Variants in PLXDC2 observed in about 807,000 individuals in gnomAD.
PLXDC2 encodes plexin domain-containing protein 2.
In PLXDC2, 40 loss-of-function variants were observed where a neutral mutation model predicts 68.9. The observed-to-expected ratio is 0.58, with a 90% CI of 0.45 to 0.76. The LOEUF is 0.76. Ranked by LOEUF, PLXDC2 falls within the 30% of genes least tolerant of loss-of-function variation. PLXDC2 has a pLI of 0.00. For missense variants in PLXDC2, 644 were observed against 661.9 expected (o/e 0.97, Z 0.30); for synonymous variants, 243 against 234.2 (o/e 1.04, Z -0.34).
At chr10:20,057,072 T>A in intron 3 of PLXDC2, among the ~76,000 whole-genome samples, 1 of 152,180 alleles carries the variant, frequency 6.6e-6, no homozygotes, top group East Asian at 1.9e-4. Flanking sequence ...ATTCTTATCA[T>A]CTTTTCTGCC....
chr10:20,156,401 A>G (rs1220922320), intron 6 of PLXDC2, among the ~76,000 whole-genome samples: 3 of 152,176 alleles, frequency 2.0e-5, no homozygotes, highest in African/African-American at 4.8e-5. Context: ...TATTTCAAGT[A>G]AAAATATAGA....
intron 1 of PLXDC2, among the ~76,000 whole-genome samples, chr10:19,974,766 T>A (rs1198591980): frequency 3.3e-5 from 5 of 152,176 alleles, no homozygotes; most frequent in African/African-American, 1.2e-4. Flanking sequence ...TCAATAGATT[T>A]CAGTTAAATA....
Position 20,046,865 on chromosome 10 carries a change from G to A in PLXDC2, c.325-4G>A, listed in dbSNP as rs1324530649. The A allele has an allele frequency of 6.3e-7, 1 of 1,595,428 alleles. No homozygotes were observed. On this transcript the variant is annotated splice_region_variant and splice_polypyrimidine_tract_variant and intron_variant, in intron 2 of 13. Coordinates refer to ENST00000377252, the MANE Select transcript of PLXDC2 (RefSeq NM_032812.9). ...TTGATATACATTATTATCTATTATT[G>A]CAGGAGGATACAGACCACAATTACT...
chr10:19,893,747 A>T (rs1268145499), intron 1 of PLXDC2, among the ~76,000 whole-genome samples: 1 of 152,228 alleles, frequency 6.6e-6, no homozygotes, highest in African/African-American at 2.4e-5. Context: ...TAAGTGAAAC[A>T]ATCCTTTACA....
chr10:20,207,865 T>TGC (rs1835013643), intron 9 of PLXDC2, among the ~76,000 whole-genome samples: 1 of 151,544 alleles, frequency 6.6e-6, no homozygotes, highest in Admixed American at 6.6e-5. Flanking sequence ...CCTGAGAGAA[T>TGC]GAGAGATTGT....
At chr10:20,143,597 C>T (rs1281445169) in intron 5 of PLXDC2, among the ~76,000 whole-genome samples, 180 bp downstream of exon 5, 1 of 152,080 alleles carries the variant, frequency 6.6e-6, no homozygotes, top group Non-Finnish European at 1.5e-5. Context: ...GGCATTCATT[C>T]ATTCAACACA....
At chr10:19,892,923 T>C (rs74960726) in intron 1 of PLXDC2, among the ~76,000 whole-genome samples, 2 of 125,170 alleles carry the variant, frequency 1.6e-5, no homozygotes, top group African/African-American at 4.1e-5. Flanking sequence ...GAAATGGTCT[T>C]TTTTTTTTTT....
intron 1 of PLXDC2, among the ~76,000 whole-genome samples, chr10:19,879,536 C>T (rs1265033218): frequency 6.6e-6 from 1 of 152,062 alleles, no homozygotes; most frequent in Non-Finnish European, 1.5e-5. Flanking sequence ...TCGACAAATA[C>T]CCTTGTTTAG....
chr10:19,952,124 A>T (rs1319881970), intron 1 of PLXDC2, among the ~76,000 whole-genome samples: 1 of 152,160 alleles, frequency 6.6e-6, no homozygotes, highest in Non-Finnish European at 1.5e-5. Context: ...AATCCTGCAC[A>T]TGTACTCCCT....
intron 4 of PLXDC2, among the ~76,000 whole-genome samples, chr10:20,074,544 A>AT (rs1836402173): frequency 6.6e-6 from 1 of 152,068 alleles, no homozygotes; most frequent in South Asian, 2.1e-4. Flanking sequence ...ACTAAGAGAG[A>AT]TTTTTTAAAA....
intron 2 of PLXDC2, among the ~76,000 whole-genome samples, chr10:20,034,936 T>G (rs911456974): frequency 7.2e-5 from 11 of 152,298 alleles, no homozygotes; most frequent in Non-Finnish European, 1.5e-4. Context: ...CTCCATAATG[T>G]TTGTACAATG....
In PLXDC2 at chr10:20,247,797, A is replaced by G. The variant is rs562920425; in HGVS notation, c.1473+2292A>G. ...GATTCTGCCAATATTTCCTGGAAAA[A>G]CGTTCATAATAAATATCCTAGGACA... On this transcript the variant is annotated intron_variant, in intron 13 of 13. Coordinates refer to ENST00000377252, the MANE Select transcript of PLXDC2 (RefSeq NM_032812.9). Among the ~76,000 whole-genome samples, 7 of 152,332 alleles carry G rather than the reference A, an allele frequency of 4.6e-5. No individual in the cohort carries two copies. The South Asian group carries it at 1.0e-3, about 23-fold the overall frequency.
chr10:19,828,550 T>C (rs957773143), intron 1 of PLXDC2, among the ~76,000 whole-genome samples: 1 of 152,210 alleles, frequency 6.6e-6, no homozygotes, highest in Non-Finnish European at 1.5e-5. Flanking sequence ...GTTTTATTTC[T>C]TGGTTGTTTA....
At chr10:20,031,610 T>C (rs986044265) in intron 2 of PLXDC2, among the ~76,000 whole-genome samples, 3 of 152,124 alleles carry the variant, frequency 2.0e-5, no homozygotes, top group Non-Finnish European at 2.9e-5. Flanking sequence ...TTCTTTGGAT[T>C]GGTGAGGTGC....
intron 6 of PLXDC2, among the ~76,000 whole-genome samples, chr10:20,158,501 CAAAAAAAAA>C (rs59079629): frequency 0.54 from 64,739 of 119,040 alleles, 16,246 homozygotes; most frequent in Middle Eastern, 0.65. Context: ...TCTGTCTCTG[CAAAAAAAAA>C]AAAAAAAAAA....
At chr10:19,840,522 T>A (rs1836884396) in intron 1 of PLXDC2, among the ~76,000 whole-genome samples, 1 of 152,148 alleles carries the variant, frequency 6.6e-6, no homozygotes, top group Non-Finnish European at 1.5e-5. Flanking sequence ...CATTAAAAAC[T>A]AAGTAAGCTC....
At chr10:19,973,606 C>T (rs55876781) in intron 1 of PLXDC2, among the ~76,000 whole-genome samples, 33,734 of 152,008 alleles carry the variant, frequency 0.22, 4,030 homozygotes, top group Middle Eastern at 0.34. Flanking sequence ...AAAAGACATA[C>T]GTTTTAGGTT....
chr10:19,859,688 T>A (rs1237097104), intron 1 of PLXDC2, among the ~76,000 whole-genome samples: 1 of 152,086 alleles, frequency 6.6e-6, no homozygotes, highest in Non-Finnish European at 1.5e-5. Context: ...CTCAATGGAT[T>A]TTTAACTTTT....
chr10:19,959,210 T>C (rs2131601264), intron 1 of PLXDC2, among the ~76,000 whole-genome samples: 1 of 152,320 alleles, frequency 6.6e-6, no homozygotes, highest in South Asian at 2.1e-4. Flanking sequence ...TGATAAGCCC[T>C]TTTTCTTAAA....
Sources: allele counts gnomAD v4.1 joint callset (sites outside exome capture counted in the v4.1 genomes callset), GRCh38; gene constraint gnomAD v4.1.1; transcripts MANE v1.5; gene names NCBI Gene and HGNC (gene_info 2026-07-23, HGNC 2026-07-21).